Variants in RAP1A observed in about 807,000 individuals in gnomAD.
RAP1A encodes the protein RAP1A, member of RAS oncogene family.
A neutral mutation model predicts 26.4 loss-of-function variants in RAP1A; 6 were observed. That is an observed-to-expected ratio of 0.23 (90% CI 0.12 to 0.45). RAP1A has a LOEUF of 0.45. Ranked by LOEUF, RAP1A falls within the 20% of genes least tolerant of loss-of-function variation. The pLI, the probability that RAP1A is intolerant of heterozygous loss-of-function variation, is 0.99. For missense variants in RAP1A, 121 were observed against 217.2 expected, an observed-to-expected ratio of 0.56 and a Z score of 2.78; for synonymous variants, 73 against 79.4, an observed-to-expected ratio of 0.92 and a Z score of 0.43.
chr1:111,635,400 A>G (rs537548714), intron 1 of RAP1A, among the ~76,000 whole-genome samples: 2 of 152,352 alleles, frequency 1.3e-5, no homozygotes, highest in East Asian at 1.9e-4. Context: ...GTTTGCATGT[A>G]GTGCCTACCA....
chr1:111,714,555 C>A lies in RAP1A; in HGVS notation c.*2154C>A, dbSNP rs866525358. On this transcript the variant is annotated 3_prime_UTR_variant, in exon 8 of 8. Transcript: ENST00000369709. Reference sequence around the variant, plus strand: ...GGAGAAAGATGATAGTTATTAGATTCCTTTGTCACATCTTATACAGTCCAC... The same window carrying A: ...GGAGAAAGATGATAGTTATTAGATTACTTTGTCACATCTTATACAGTCCAC... The A allele has an allele frequency of 2.1e-4, 32 of 152,182 alleles. No homozygotes were observed. Among genetic ancestry groups the A allele is most frequent in the African/African-American group, 7.7e-4 (32 of 41,430 alleles). The allele number at this position is 152,182 out of a possible 1,614,324, so 9.4% of individuals were successfully genotyped here. A position where few individuals can be genotyped will look rare whatever the true frequency, so the allele number is the denominator to read the frequency against.
rs1314615259 is a variant in RAP1A, at chr1:111,619,875, A to AGGAGGAGGAGGAGGAGGT, written c.-78_-61dup. Reference sequence around the variant, plus strand: ...GCAGGAGCCACGGCCGAGAGGAGGGAGGAGGAGGAGGAGGAGGTGGAGGAG... The same window carrying AGGAGGAGGAGGAGGAGGT: ...GCAGGAGCCACGGCCGAGAGGAGGGAGGAGGAGGAGGAGGAGGTGGAGGAGGAGGAGGAGGTGGAGGAG... On this transcript the variant is annotated 5_prime_UTR_variant, in exon 1 of 8. Coordinates refer to ENST00000369709, the MANE Select transcript of RAP1A (RefSeq NM_002884.4). 3.8e-5 allele frequency: 8 copies of AGGAGGAGGAGGAGGAGGT among 208,730 alleles called. No homozygotes were observed. Among genetic ancestry groups the AGGAGGAGGAGGAGGAGGT allele is most frequent in the East Asian group, 2.6e-4 (3 of 11,710 alleles). The allele number at this position is 208,730 out of a possible 1,614,324, so 12.9% of individuals were successfully genotyped here. A position where few individuals can be genotyped will look rare whatever the true frequency, so the allele number is the denominator to read the frequency against.
intron 1 of RAP1A, among the ~76,000 whole-genome samples, chr1:111,547,462 A>G (rs1236286389): frequency 2.0e-5 from 3 of 152,132 alleles, no homozygotes; most frequent in Non-Finnish European, 2.9e-5. Context: ...AGGAGACTTC[A>G]AATGTTTGTG....
chr1:111,544,776 A>C (rs996127598), intron 1 of RAP1A, among the ~76,000 whole-genome samples: 2 of 150,904 alleles, frequency 1.3e-5, no homozygotes, highest in African/African-American at 4.9e-5. Flanking sequence ...AATTTGGTAC[A>C]TACCCAATTT....
At chr1:111,649,317 G>A in intron 1 of RAP1A, 2 of 427,906 alleles carry the variant, frequency 4.7e-6, no homozygotes, top group Admixed American at 5.4e-5. Flanking sequence ...AGGCATTGAG[G>A]CGTTGCATGG....
chr1:111,549,927 A>T (rs1384054875), intron 1 of RAP1A, among the ~76,000 whole-genome samples: 1 of 152,184 alleles, frequency 6.6e-6, no homozygotes, highest in African/African-American at 2.4e-5. Flanking sequence ...TGCTGGAATT[A>T]CAGGCATGAG....
Position 111,675,850 on chromosome 1 carries a change from C to T in RAP1A, c.-27-15484C>T, listed in dbSNP as rs114165537. On this transcript the variant is annotated intron_variant, in intron 1 of 7. Transcript: ENST00000369709. Reference sequence around the variant, plus strand: ...TTTGAGTTCCATGTGGCTGGGGAAGCGTCACAATCGTGACAGAAGGCAAGG... The same window carrying T: ...TTTGAGTTCCATGTGGCTGGGGAAGTGTCACAATCGTGACAGAAGGCAAGG... Among the ~76,000 whole-genome samples, 1,313 of 152,258 alleles carry T rather than the reference C, an allele frequency of 8.6e-3. 16 individuals carry two copies. The highest frequency in any genetic ancestry group is 0.03 in the African/African-American group (1,257 of 41,518).
rs546491226 is a variant in RAP1A, at chr1:111,711,321, G to T, written c.*30-1110G>T. ...TATTGACAGCTCATTACCATGGCTGGCCCTAATTTAATTTCCAGTTCTCAC... is the reference window on the plus strand; with the variant it reads ...TATTGACAGCTCATTACCATGGCTGTCCCTAATTTAATTTCCAGTTCTCAC... On this transcript the variant is annotated intron_variant, in intron 7 of 7. Coordinates refer to ENST00000369709, the MANE Select transcript of RAP1A (RefSeq NM_002884.4). 3.3e-5 allele frequency among the ~76,000 whole-genome samples: 5 copies of T among 152,232 alleles called. No individual in the cohort carries two copies. In the East Asian group the frequency reaches 9.6e-4, roughly 29 times the overall value.
rs1229314130 is a variant in RAP1A at position 111,712,758 on chromosome 1, C to T, written c.*357C>T. The T allele has an allele frequency of 6.6e-6, 1 of 152,444 alleles. No homozygotes were observed. Among genetic ancestry groups the T allele is most frequent in the Non-Finnish European group, 1.5e-5 (1 of 67,924 alleles). 9.4% of individuals were successfully genotyped at this position (152,444 alleles called of 1,614,324 possible). ...AATGATTTCATATTGATCTTTTTAT[C>T]ATGATCCTCCCTATCAAGCACTAAA... On this transcript the variant is annotated 3_prime_UTR_variant, in exon 8 of 8. Coordinates refer to ENST00000369709, the MANE Select transcript of RAP1A (RefSeq NM_002884.4).
At chr1:111,578,503 C>A (rs534588318) in intron 1 of RAP1A, among the ~76,000 whole-genome samples, 72 of 104,858 alleles carry the variant, frequency 6.9e-4, no homozygotes, top group Middle Eastern at 4.6e-3. Flanking sequence ...GGAAAAAAAA[C>A]CACAAAAAAA....
At chr1:111,574,053 T>A (rs1387389850) in intron 1 of RAP1A, among the ~76,000 whole-genome samples, 9 of 152,228 alleles carry the variant, frequency 5.9e-5, no homozygotes, top group Admixed American at 5.9e-4. Flanking sequence ...CAAAATGATA[T>A]TGCCTAGGTT....
At chr1:111,673,840 G>C (rs1029389018) in intron 1 of RAP1A, among the ~76,000 whole-genome samples, 2 of 152,166 alleles carry the variant, frequency 1.3e-5, no homozygotes, top group African/African-American at 4.8e-5. Context: ...ATGCTTTCTT[G>C]TGTGACCTAT....
At chr1:111,676,009 C>G (rs1661113128) in intron 1 of RAP1A, among the ~76,000 whole-genome samples, 1 of 152,134 alleles carries the variant, frequency 6.6e-6, no homozygotes, top group Admixed American at 6.6e-5. Flanking sequence ...GAAACTGCCC[C>G]CATGATTTCA....
chr1:111,659,091 T>A (rs1660553457), intron 1 of RAP1A, among the ~76,000 whole-genome samples: 1 of 152,158 alleles, frequency 6.6e-6, no homozygotes, highest in Admixed American at 6.5e-5. Flanking sequence ...CATGATATAT[T>A]TTTCTTCATC....
intron 1 of RAP1A, chr1:111,648,792 C>A (rs911659101): frequency 1.5e-6 from 1 of 649,882 alleles, no homozygotes; most frequent in South Asian, 1.5e-5. Context: ...TAGCTCCTGT[C>A]GATTCTTTCA....
At chr1:111,684,275 A>G (rs1373942946) in intron 1 of RAP1A, among the ~76,000 whole-genome samples, 1 of 151,868 alleles carries the variant, frequency 6.6e-6, no homozygotes, top group Non-Finnish European at 1.5e-5. Context: ...CTCTCACCAC[A>G]TAGTATTGGA....
At chr1:111,668,779 G>A (rs919400567) in intron 1 of RAP1A, among the ~76,000 whole-genome samples, 2 of 152,126 alleles carry the variant, frequency 1.3e-5, no homozygotes, top group African/African-American at 4.8e-5. Context: ...TGTAATCCCA[G>A]CACTTTGGGA....
intron 4 of RAP1A, among the ~76,000 whole-genome samples, chr1:111,700,442 A>G (rs1017544413): frequency 6.6e-6 from 1 of 152,160 alleles, no homozygotes; most frequent in African/African-American, 2.4e-5. Context: ...ACTTTTAAAC[A>G]ACCAGATCTC....
intron 1 of RAP1A, among the ~76,000 whole-genome samples, chr1:111,643,073 T>C (rs1276967154): frequency 6.6e-6 from 1 of 152,174 alleles, no homozygotes; most frequent in Non-Finnish European, 1.5e-5. Context: ...CCCGGCCAGC[T>C]AATTTTTTTT....
Sources: allele counts gnomAD v4.1 joint callset (sites outside exome capture counted in the v4.1 genomes callset), GRCh38; gene constraint gnomAD v4.1.1; transcripts MANE v1.5; gene names NCBI Gene and HGNC (gene_info 2026-07-23, HGNC 2026-07-21).